The following PTPRN2 variants were observed in gnomAD, a reference collection of about 807,000 sequenced individuals.
The protein encoded by PTPRN2 is protein tyrosine phosphatase receptor type N2.
A neutral mutation model predicts 118.8 loss-of-function variants in PTPRN2; 74 were observed. That is an observed-to-expected ratio of 0.62 (90% CI 0.52 to 0.76). The LOEUF is 0.76. PTPRN2 is among the 30% of genes least tolerant of loss of function. The probability of loss-of-function intolerance (pLI) is 0.00; values close to 1 mark genes in which losing one functional copy is unlikely to be tolerated. For synonymous variants in PTPRN2, 641 were observed against 608.0 expected (o/e 1.05, Z -0.80); for missense variants, 1,481 against 1,394.4 (o/e 1.06, Z -0.99).
intron 12 of PTPRN2, among the ~76,000 whole-genome samples, chr7:157,870,095 T>C (rs1370888848): frequency 6.6e-6 from 1 of 152,184 alleles, no homozygotes; most frequent in African/African-American, 2.4e-5. Context: ...CTGTTAAAAA[T>C]TTCCATTGAA....
intron 6 of PTPRN2, among the ~76,000 whole-genome samples, chr7:158,149,136 C>G (rs201377806): frequency 6.5e-3 from 19 of 2,926 alleles, no homozygotes; most frequent in Admixed American, 7.0e-3. Context: ...CCCCATCTCA[C>G]GCCACGTGTC....
intron 12 of PTPRN2, among the ~76,000 whole-genome samples, chr7:157,849,849 T>C (rs1208841610): frequency 6.6e-6 from 1 of 152,052 alleles, no homozygotes; most frequent in East Asian, 1.9e-4. Flanking sequence ...TAGCTAAACT[T>C]AGGGTTCGAT....
At position 158,121,356 on chromosome 7, in the gene PTPRN2, C is replaced by T. The variant is rs78866618; in HGVS notation, c.1557-10441G>A. Among the ~76,000 whole-genome samples, 781 of 152,328 alleles carry T rather than the reference C, an allele frequency of 5.1e-3. 26 individuals carry two copies. In the East Asian group the frequency reaches 0.099, roughly 19 times the overall value. ...AAAACTCCCTGTGTGCTTTGATCAG[C>T]ACCACTCAGCTCATGACTTATTTTA... On this transcript the variant is annotated intron_variant, in intron 9 of 22. Coordinates refer to ENST00000389418, the MANE Select transcript of PTPRN2 (RefSeq NM_002847.5).
chr7:157,775,467 C>T (rs1803144827), intron 12 of PTPRN2, among the ~76,000 whole-genome samples: 1 of 152,254 alleles, frequency 6.6e-6, no homozygotes, highest in African/African-American at 2.4e-5. Flanking sequence ...GTTCAACCCA[C>T]AGGGCGGAGG....
intron 1 of PTPRN2, among the ~76,000 whole-genome samples, chr7:158,495,938 C>A (rs1212363209): frequency 6.6e-6 from 1 of 152,008 alleles, no homozygotes; most frequent in East Asian, 1.9e-4. Flanking sequence ...AAGGCTCCTC[C>A]CAGATCTGTC....
At chr7:158,334,582 C>G (rs1313592891) in intron 2 of PTPRN2, among the ~76,000 whole-genome samples, 2 of 106,102 alleles carry the variant, frequency 1.9e-5, no homozygotes, top group Admixed American at 9.4e-5. Context: ...CCACAGAGGT[C>G]ACTCACACCC....
At position 157,846,995 on chromosome 7, in the gene PTPRN2, G is replaced by C. The variant is rs370215656; in HGVS notation, c.1788+51678C>G. On this transcript the variant is annotated intron_variant, in intron 12 of 22. Transcript: ENST00000389418. ...GCCCTCTCTCACTCCTTCATGTGTG[G>C]CCAATGTTTACAGAGCCCTCCCTCA... Among the ~76,000 whole-genome samples, 29 of 124,472 alleles carry C rather than the reference G, an allele frequency of 2.3e-4. No individual in the cohort carries two copies. The East Asian group carries it at 4.1e-3, about 18-fold the overall frequency. 81.7% of individuals were successfully genotyped at this position (124,472 alleles called of 152,430 possible). A position where few individuals can be genotyped will look rare whatever the true frequency, so the allele number is the denominator to read the frequency against.
chr7:158,408,396 T>C (rs1813764206), intron 2 of PTPRN2, among the ~76,000 whole-genome samples: 2 of 152,168 alleles, frequency 1.3e-5, no homozygotes, highest in Non-Finnish European at 2.9e-5. Context: ...TTCTCTACAG[T>C]GGAATTTTTC....
At chr7:158,077,035 C>T (rs574683050) in intron 11 of PTPRN2, among the ~76,000 whole-genome samples, 43 of 152,224 alleles carry the variant, frequency 2.8e-4, no homozygotes, top group Non-Finnish European at 5.0e-4. Flanking sequence ...TTTGCCATTA[C>T]GCTTTTCAAA....
At chr7:158,542,350 A>G (rs1024255488) in intron 1 of PTPRN2, among the ~76,000 whole-genome samples, 16 of 152,260 alleles carry the variant, frequency 1.1e-4, no homozygotes, top group African/African-American at 3.4e-4. Context: ...TTGGGGTTTC[A>G]CCATGTTGGC....
At chr7:157,686,563 C>T (rs774736736) in intron 12 of PTPRN2, among the ~76,000 whole-genome samples, 2 of 152,192 alleles carry the variant, frequency 1.3e-5, no homozygotes, top group African/African-American at 2.4e-5. Context: ...CACCGACCCC[C>T]CAAGGCTGCA....
At position 157,787,410 on chromosome 7, in the gene PTPRN2, G is replaced by T. The variant is rs1030261468; in HGVS notation, c.1789-104473C>A. Among the ~76,000 whole-genome samples the T allele has an allele frequency of 6.6e-6, 1 of 152,160 alleles. No homozygotes were observed. Among genetic ancestry groups the T allele is most frequent in the Non-Finnish European group, 1.5e-5 (1 of 68,024 alleles). On this transcript the variant is annotated intron_variant, in intron 12 of 22. Transcript: ENST00000389418. The surrounding 1 kb of genome is among the most constrained non-coding windows in gnomAD (Gnocchi z 5.3). Reference sequence around the variant, plus strand: ...CTGAAGATGCCATAGAAAGTCTGGCGCAGCAGCCGGTGGGCCTGGGGGGCG... The same window carrying T: ...CTGAAGATGCCATAGAAAGTCTGGCTCAGCAGCCGGTGGGCCTGGGGGGCG...
In PTPRN2 at chr7:158,359,829, T is replaced by C. The variant is rs575554069; in HGVS notation, c.164-42897A>G. ...AGATGCCTGAAGAAGGCATTCCTGATGGAATGGCCTTCTTCCTCTGACAGT... is the reference window on the plus strand; with the variant it reads ...AGATGCCTGAAGAAGGCATTCCTGACGGAATGGCCTTCTTCCTCTGACAGT... On this transcript the variant is annotated intron_variant, in intron 2 of 22. Coordinates refer to ENST00000389418, the MANE Select transcript of PTPRN2 (RefSeq NM_002847.5). Among the ~76,000 whole-genome samples, 31 of 152,302 alleles carry C rather than the reference T, an allele frequency of 2.0e-4. No homozygotes were observed. The South Asian group carries it at 6.0e-3, about 30-fold the overall frequency.
At position 157,616,064 on chromosome 7, in the gene PTPRN2, G is replaced by A. The variant is rs878900441; in HGVS notation, c.2344+5298C>T. 13 of 174,916 alleles carry A rather than the reference G, an allele frequency of 7.4e-5. 1 individual carries two copies. In the South Asian group the frequency reaches 9.5e-4, roughly 13 times the overall value. The allele number at this position is 174,916 out of a possible 1,614,324, so 10.8% of individuals were successfully genotyped here. A position where few individuals can be genotyped will look rare whatever the true frequency, so the allele number is the denominator to read the frequency against. On this transcript the variant is annotated intron_variant, in intron 15 of 22. Transcript: ENST00000389418. Reference sequence around the variant, plus strand: ...AGGGCGCCCAGGAGACGGTGAGCCCGGCTGCTGCCACCCCGAAGGCCAGGC... The same window carrying A: ...AGGGCGCCCAGGAGACGGTGAGCCCAGCTGCTGCCACCCCGAAGGCCAGGC...
At chr7:157,549,278 A>G (rs1169303250) in intron 21 of PTPRN2, among the ~76,000 whole-genome samples, 1 of 151,466 alleles carries the variant, frequency 6.6e-6, no homozygotes, top group African/African-American at 2.4e-5. Context: ...GCAGGCCGTC[A>G]CCGTCAGAAA....
chr7:157,928,861 G>C, intron 11 of PTPRN2, among the ~76,000 whole-genome samples: 1 of 149,558 alleles, frequency 6.7e-6, no homozygotes, highest in Non-Finnish European at 1.5e-5. Flanking sequence ...GGATAGGATG[G>C]GGGGGTGGGA....
chr7:157,759,688 G>T (rs1350458291), intron 12 of PTPRN2, among the ~76,000 whole-genome samples: 1 of 152,230 alleles, frequency 6.6e-6, no homozygotes, highest in African/African-American at 2.4e-5. Context: ...GTTCAGATCT[G>T]CAAGTTCTGG....
intron 1 of PTPRN2, among the ~76,000 whole-genome samples, chr7:158,519,152 C>T (rs1243082083): frequency 2.0e-5 from 3 of 152,166 alleles, no homozygotes; most frequent in Non-Finnish European, 1.5e-5. Context: ...GGCGTCGTCA[C>T]TGTTTCCAAG....
chr7:158,518,602 G>A (rs548921236), intron 1 of PTPRN2, among the ~76,000 whole-genome samples: 1 of 152,270 alleles, frequency 6.6e-6, no homozygotes, highest in Admixed American at 6.5e-5. Flanking sequence ...GACCATAGAG[G>A]AAGGACCCAC....
Sources: allele counts gnomAD v4.1 joint callset (sites outside exome capture counted in the v4.1 genomes callset), GRCh38; gene constraint gnomAD v4.1.1; non-coding constraint Gnocchi (gnomAD v3.1); transcripts MANE v1.5; gene names NCBI Gene and HGNC (gene_info 2026-07-23, HGNC 2026-07-21).